Variants in NWD2 observed in about 807,000 individuals in gnomAD.
NWD2 encodes the protein NACHT and WD repeat domain containing 2.
A neutral mutation model predicts 132.7 loss-of-function variants in NWD2; 37 were observed. That is an observed-to-expected ratio of 0.28 (90% CI 0.21 to 0.37). The LOEUF (loss-of-function observed/expected upper bound fraction) is 0.37. NWD2 is among the 10% of genes least tolerant of loss of function. The pLI is 1.00. For synonymous variants in NWD2, 705 were observed against 803.0 expected, an observed-to-expected ratio of 0.88 and a Z score of 2.06; for missense variants, 1,592 against 2,122.4, an observed-to-expected ratio of 0.75 and a Z score of 4.91.
chr4:37,260,801 G>A (rs1717620549), intron 1 of NWD2, among the ~76,000 whole-genome samples: 1 of 152,106 alleles, frequency 6.6e-6, no homozygotes, highest in Non-Finnish European at 1.5e-5. Context: ...TTGGGATAAG[G>A]CAGACAGAGT....
intron 2 of NWD2, among the ~76,000 whole-genome samples, chr4:37,342,324 C>T (rs563807085): frequency 2.0e-5 from 3 of 152,210 alleles, no homozygotes; most frequent in South Asian, 4.2e-4. Flanking sequence ...TGCCTTCCAC[C>T]ATGAGTAAAA....
rs535635097 is a variant in NWD2, at chr4:37,388,374, G to A, written c.357+31892G>A. Among the ~76,000 whole-genome samples the A allele has an allele frequency of 9.9e-5, 15 of 151,918 alleles. No individual in the cohort carries two copies. In the East Asian group the frequency reaches 2.9e-3, roughly 30 times the overall value. On this transcript the variant is annotated intron_variant, in intron 3 of 6. Coordinates refer to ENST00000309447, the MANE Select transcript of NWD2 (RefSeq NM_001144990.2). ...AATTTTTGTACTTTTAGTAGAGATGGGGTTTCACCATGTTGGCCAGGCTGG... is the reference window on the plus strand; with the variant it reads ...AATTTTTGTACTTTTAGTAGAGATGAGGTTTCACCATGTTGGCCAGGCTGG...
At chr4:37,385,624 A>T (rs1445231518) in intron 3 of NWD2, among the ~76,000 whole-genome samples, 7 of 152,192 alleles carry the variant, frequency 4.6e-5, no homozygotes, top group African/African-American at 1.7e-4. Flanking sequence ...GTCCCCTCAC[A>T]TAGAAACATC....
intron 3 of NWD2, among the ~76,000 whole-genome samples, chr4:37,398,160 A>G (rs1436193083): frequency 6.6e-6 from 1 of 152,236 alleles, no homozygotes. Context: ...GGAGGCTGGT[A>G]CTTCAGTTAA....
chr4:37,253,852 A>G (rs1482394271), intron 1 of NWD2, among the ~76,000 whole-genome samples: 1 of 152,368 alleles, frequency 6.6e-6, no homozygotes, highest in East Asian at 1.9e-4. Context: ...AAAATGGCAA[A>G]TGATGATTCT....
intron 1 of NWD2, 107 bp from the exon 2 acceptor site, chr4:37,325,829 C>G (rs1719162383): frequency 3.1e-6 from 2 of 650,404 alleles, no homozygotes; most frequent in African/African-American, 1.9e-5. Context: ...TCCAGCACCT[C>G]AACTTGATTG....
At chr4:37,347,787 T>A (rs1041237566) in intron 2 of NWD2, among the ~76,000 whole-genome samples, 1 of 152,232 alleles carries the variant, frequency 6.6e-6, no homozygotes, top group Admixed American at 6.5e-5. Flanking sequence ...TAAATTAACC[T>A]TCATATTTAC....
chr4:37,370,045 T>C (rs1720183843), intron 3 of NWD2, among the ~76,000 whole-genome samples: 1 of 152,178 alleles, frequency 6.6e-6, no homozygotes, highest in Non-Finnish European at 1.5e-5. Flanking sequence ...TGTAGGATTA[T>C]TACTGCTCCT....
At chr4:37,263,779 G>A (rs1332974055) in intron 1 of NWD2, among the ~76,000 whole-genome samples, 5 of 152,070 alleles carry the variant, frequency 3.3e-5, no homozygotes, top group African/African-American at 1.2e-4. Flanking sequence ...TGAAATACAA[G>A]AGTTACTGAT....
intron 3 of NWD2, among the ~76,000 whole-genome samples, chr4:37,403,309 A>C (rs1001151356): frequency 4.9e-4 from 74 of 152,330 alleles, no homozygotes; most frequent in African/African-American, 1.7e-3. Flanking sequence ...TTACCTAGTG[A>C]TATGGATCAA....
At chr4:37,397,375 A>G (rs142931440) in intron 3 of NWD2, among the ~76,000 whole-genome samples, 2 of 152,334 alleles carry the variant, frequency 1.3e-5, no homozygotes, top group East Asian at 3.9e-4. Context: ...AGATGAGATT[A>G]ACATTTTAAT....
rs547395660 is a variant in NWD2, at chr4:37,356,339, T to A, written c.241-27T>A. Reference sequence around the variant, plus strand: ...ATAAAAACAAAGCCCACATGTAAACTAATGCTCTTCATCCATCTGTCCCCA... The same window carrying A: ...ATAAAAACAAAGCCCACATGTAAACAAATGCTCTTCATCCATCTGTCCCCA... On this transcript the variant is annotated intron_variant, in intron 2 of 6. Transcript: ENST00000309447. 9.5e-6 allele frequency: 12 copies of A among 1,265,672 alleles called. No individual in the cohort carries two copies. In the South Asian group the frequency reaches 1.6e-4, roughly 17 times the overall value. The allele number at this position is 1,265,672 out of a possible 1,614,324, so 78.4% of individuals were successfully genotyped here. A position where few individuals can be genotyped will look rare whatever the true frequency, so the allele number is the denominator to read the frequency against.
intron 1 of NWD2, among the ~76,000 whole-genome samples, chr4:37,271,936 G>A (rs1408200694): frequency 3.3e-5 from 5 of 151,658 alleles, no homozygotes; most frequent in Non-Finnish European, 7.4e-5. Flanking sequence ...TTAACTGTAG[G>A]TTTTTTGTAG....
intron 3 of NWD2, among the ~76,000 whole-genome samples, chr4:37,384,030 T>C (rs1720510662): frequency 6.6e-6 from 1 of 152,192 alleles, no homozygotes. Context: ...ACATGTCTCA[T>C]GGTGGTTTGC....
At chr4:37,300,007 C>CTTT (rs909034517) in intron 1 of NWD2, among the ~76,000 whole-genome samples, 4 of 152,068 alleles carry the variant, frequency 2.6e-5, no homozygotes, top group Non-Finnish European at 1.5e-5. Context: ...ACATCGTGTC[C>CTTT]TTTTCAAGCC....
intron 1 of NWD2, among the ~76,000 whole-genome samples, chr4:37,285,861 G>A (rs1389801301): frequency 2.0e-5 from 3 of 152,128 alleles, no homozygotes; most frequent in African/African-American, 2.4e-5. Flanking sequence ...CCATTCAGAT[G>A]ATTGAATTTT....
Position 37,431,195 on chromosome 4 carries a change from C to T in NWD2, c.561+420C>T, listed in dbSNP as rs539928903. On this transcript the variant is annotated intron_variant, in intron 4 of 6. Transcript: ENST00000309447. ...TCACTGTCTTGAAGAGATATCCACA[C>T]TCCCAGGTTCATTGCAGAATTGTTC... 3.9e-5 allele frequency among the ~76,000 whole-genome samples: 6 copies of T among 152,298 alleles called. No individual in the cohort carries two copies. In the South Asian group the frequency reaches 1.0e-3, roughly 26 times the overall value.
rs1012659201 is a variant in NWD2, at chr4:37,292,050, A to G, written c.152-33886A>G. 3.9e-5 allele frequency among the ~76,000 whole-genome samples: 6 copies of G among 152,232 alleles called. No individual in the cohort carries two copies. The East Asian group carries it at 7.7e-4, about 20-fold the overall frequency. On this transcript the variant is annotated intron_variant, in intron 1 of 6. Transcript: ENST00000309447. ...CCACACATCATTAAGTTTTTTTAGA[A>G]AGTTAATAAAACTGACTTAATGATC...
chr4:37,413,596 T>G (rs1721205438), intron 3 of NWD2, among the ~76,000 whole-genome samples: 1 of 152,182 alleles, frequency 6.6e-6, no homozygotes, highest in South Asian at 2.1e-4. Flanking sequence ...AGAAATACCA[T>G]TTGACCCAGC....
Sources: allele counts gnomAD v4.1 joint callset (sites outside exome capture counted in the v4.1 genomes callset), GRCh38; gene constraint gnomAD v4.1.1; transcripts MANE v1.5; gene names NCBI Gene and HGNC (gene_info 2026-07-23, HGNC 2026-07-21).